JOSD1: variants seen among roughly 807,000 people sequenced by gnomAD.
JOSD1 encodes josephin-1.
JOSD1 carries 11 observed loss-of-function variants against 24.3 expected under a neutral mutation model. The observed-to-expected ratio is 0.45, with a 90% CI of 0.29 to 0.75. The LOEUF is 0.75. Among genes scored for constraint, JOSD1 ranks in the 30% least tolerant of loss-of-function variants. JOSD1 has a pLI of 0.11. For synonymous variants in JOSD1, 106 were observed against 93.8 expected (o/e 1.13, Z -0.75); for missense variants, 184 against 253.5 (o/e 0.73, Z 1.86).
At chr22:38,694,577 G>A (rs2092536644) in intron 2 of JOSD1, among the ~76,000 whole-genome samples, 1 of 152,114 alleles carries the variant, frequency 6.6e-6, no homozygotes, top group South Asian at 2.1e-4. Context: ...AAAGTGAAAA[G>A]ACGGGCCAGG....
At chr22:38,700,696 G>A (rs923131383) in intron 1 of JOSD1, 78 bp from the exon 2 acceptor site, 28 of 977,846 alleles carry the variant, frequency 2.9e-5, no homozygotes, top group Non-Finnish European at 3.4e-5. Flanking sequence ...CTGCCCGAGG[G>A]AAGGTTCCGC....
rs1187492904 is a variant in JOSD1 at position 38,687,522 on chromosome 22, T to C, written c.*380A>G. 9.7e-6 allele frequency: 2 copies of C among 205,724 alleles called. No homozygotes were observed. Among genetic ancestry groups the C allele is most frequent in the South Asian group, 1.1e-4 (1 of 8,786 alleles). The allele number at this position is 205,724 out of a possible 1,614,324, so 12.7% of individuals were successfully genotyped here. A position where few individuals can be genotyped will look rare whatever the true frequency, so the allele number is the denominator to read the frequency against. On this transcript the variant is annotated 3_prime_UTR_variant, in exon 5 of 5. Transcript: ENST00000683374. Reference sequence around the variant, plus strand: ...CCACTGTTTTCAGACCCAGACAGGATGGAAAGTGGAGGCAGCATCTCTAGG... The same window carrying C: ...CCACTGTTTTCAGACCCAGACAGGACGGAAAGTGGAGGCAGCATCTCTAGG...
intron 2 of JOSD1, among the ~76,000 whole-genome samples, chr22:38,689,704 G>A (rs2092513357): frequency 1.3e-5 from 2 of 151,850 alleles, no homozygotes; most frequent in African/African-American, 2.4e-5. Context: ...TTGGAAAATA[G>A]GATTCAATCT....
At position 38,686,522 on chromosome 22, in the gene JOSD1, T is replaced by G. The variant is rs2092498664; in HGVS notation, c.*1380A>C. 1.3e-5 allele frequency: 2 copies of G among 152,230 alleles called. No individual in the cohort carries two copies. The highest frequency in any genetic ancestry group is 4.8e-5 in the African/African-American group (2 of 41,462). 9.4% of individuals were successfully genotyped at this position (152,230 alleles called of 1,614,324 possible). A position where few individuals can be genotyped will look rare whatever the true frequency, so the allele number is the denominator to read the frequency against. ...GGTATGATACTTATTTCTCCTCTTT[T>G]GTTTTCCAAAGTTACAAGAGAAAAG... On this transcript the variant is annotated 3_prime_UTR_variant, in exon 5 of 5. Transcript: ENST00000683374.
intron 2 of JOSD1, among the ~76,000 whole-genome samples, chr22:38,691,234 A>C (rs2092520634): frequency 6.6e-6 from 1 of 150,936 alleles, no homozygotes; most frequent in Non-Finnish European, 1.5e-5. Context: ...GCATGGTGGC[A>C]TGTGCCTATG....
chr22:38,691,188 AAC>A (rs2092520386), intron 2 of JOSD1, among the ~76,000 whole-genome samples: 1 of 151,876 alleles, frequency 6.6e-6, no homozygotes, highest in Non-Finnish European at 1.5e-5. Context: ...AACATGGCAA[AAC>A]ACTGTCTCTG....
chr22:38,699,687 C>T, intron 2 of JOSD1, 116 bp downstream of exon 2: 2 of 974,286 alleles, frequency 2.1e-6, no homozygotes, highest in South Asian at 2.8e-5. Context: ...CTTATACCTG[C>T]TAACGCAATC....
At chr22:38,696,538 C>T (rs772592010) in intron 2 of JOSD1, among the ~76,000 whole-genome samples, 48 of 152,142 alleles carry the variant, frequency 3.2e-4, no homozygotes, top group Non-Finnish European at 5.4e-4. Context: ...CCGTGCCTGG[C>T]CCACATTCTT....
At chr22:38,689,165 C>T in intron 3 of JOSD1, 36 bp from the exon 4 acceptor site, 2 of 1,603,068 alleles carry the variant, frequency 1.2e-6, no homozygotes, top group Non-Finnish European at 1.7e-6. Context: ...TCTGATGCAG[C>T]CCATTTTCCA....
chr22:38,687,943 C>T lies in JOSD1; in HGVS notation c.568G>A (p.Glu190Lys). 2 of 1,614,100 alleles carry T rather than the reference C, an allele frequency of 1.2e-6. No homozygotes were observed. The highest frequency in any genetic ancestry group is 2.2e-5 in the South Asian group (2 of 91,078). Residue 190 changes from glutamate (E) to lysine (K), a missense_variant, in exon 5 of 5, where the codon GAA (glutamate) becomes AAA (lysine). Coordinates refer to ENST00000683374, the MANE Select transcript of JOSD1 (RefSeq NM_001360236.2). ...KNCELLLVVPEEVEAHQSWRT... is the reference protein window; with the variant it reads ...KNCELLLVVPKEVEAHQSWRT... ...CAACTCTGATGAGCCTCTACCTCTT[C>T]TGGTACCACCAGCAGGAGTTCACAG...
chr22:38,700,660 C>T, intron 1 of JOSD1, 42 bp from the exon 2 acceptor site: 1 of 982,522 alleles, frequency 1.0e-6, no homozygotes, highest in Non-Finnish European at 1.2e-6. Context: ...CGAGCGGGCG[C>T]GGGAAGTGAG....
chr22:38,697,513 CTT>C (rs1322464874), intron 2 of JOSD1, among the ~76,000 whole-genome samples: 2 of 152,222 alleles, frequency 1.3e-5, no homozygotes, highest in Admixed American at 1.3e-4. Flanking sequence ...CTGAGAAACT[CTT>C]GTTATCATCC....
rs979746304 is a variant in JOSD1, at chr22:38,700,463, T to C, written c.-476A>G. The stretch of plus-strand genomic sequence containing the variant: ...ACAAGGCCTGGGTGACGGATAAATT[T>C]AGCGCACGAGTCGAGTAGCTAGCGC... On this transcript the variant is annotated 5_prime_UTR_variant, in exon 2 of 5. Transcript: ENST00000683374. The C allele has an allele frequency of 2.0e-6, 2 of 986,350 alleles. No homozygotes were observed. Among genetic ancestry groups the C allele is most frequent in the Middle Eastern group, 5.2e-4 (1 of 1,934 alleles). 61.1% of individuals were successfully genotyped at this position (986,350 alleles called of 1,614,324 possible).
chr22:38,685,642 T>C lies in JOSD1; in HGVS notation c.*2260A>G, dbSNP rs187396790. ...TATATGGAGTTTTCCATTTTTAATA[T>C]TTGGTTAAACAAAATACATCTTTTG... On this transcript the variant is annotated 3_prime_UTR_variant, in exon 5 of 5. Coordinates refer to ENST00000683374, the MANE Select transcript of JOSD1 (RefSeq NM_001360236.2). 1.3e-5 allele frequency: 2 copies of C among 152,760 alleles called. No homozygotes were observed. The highest frequency in any genetic ancestry group is 6.5e-5 in the Admixed American group (1 of 15,302). 9.5% of individuals were successfully genotyped at this position (152,760 alleles called of 1,614,324 possible).
intron 2 of JOSD1, among the ~76,000 whole-genome samples, chr22:38,690,053 G>C (rs2092515173): frequency 6.6e-6 from 1 of 152,088 alleles, no homozygotes; most frequent in South Asian, 2.1e-4. Flanking sequence ...CACCCAGCTT[G>C]AAGCCATTTA....
In JOSD1 at chr22:38,700,010, G is replaced by A. The variant is rs541169282; in HGVS notation, c.-23C>T. 36 of 1,571,558 alleles carry A rather than the reference G, an allele frequency of 2.3e-5. No individual in the cohort carries two copies. The highest frequency in any genetic ancestry group is 2.1e-4 in the South Asian group (18 of 84,006). On this transcript the variant is annotated 5_prime_UTR_variant, in exon 2 of 5. Coordinates refer to ENST00000683374, the MANE Select transcript of JOSD1 (RefSeq NM_001360236.2). ...CATGTTTTTTGTTTTAGGTTCCAGA[G>A]ATGGCTATAAACACCCCACTCTTCC... is the stretch of plus-strand genomic sequence containing the variant.
intron 2 of JOSD1, among the ~76,000 whole-genome samples, chr22:38,690,233 AG>A (rs2145806006): frequency 6.6e-6 from 1 of 152,152 alleles, no homozygotes; most frequent in Admixed American, 6.6e-5. Context: ...AAGGGGAGAA[AG>A]GGAAGTGTGG....
At chr22:38,690,213 GCTT>G (rs1209394759) in intron 2 of JOSD1, among the ~76,000 whole-genome samples, 1 of 152,106 alleles carries the variant, frequency 6.6e-6, no homozygotes, top group African/African-American at 2.4e-5. Context: ...ATACCTTTGG[GCTT>G]CGTGTGAAGG....
chr22:38,698,264 C>T (rs1252095752), intron 2 of JOSD1, among the ~76,000 whole-genome samples: 1 of 152,230 alleles, frequency 6.6e-6, no homozygotes, highest in Non-Finnish European at 1.5e-5. Context: ...GTCAATTCTA[C>T]TTGCTGCCAG....
Sources: gnomAD v4.1 joint callset for allele counts (sites outside exome capture counted in the v4.1 genomes callset) on GRCh38, gnomAD v4.1.1 for gene constraint, MANE v1.5 for transcripts, NCBI Gene and HGNC (gene_info 2026-07-23, HGNC 2026-07-21) for gene names.